The following TFAM variants were observed in gnomAD, a reference collection of about 807,000 sequenced individuals.
TFAM encodes the protein transcription factor A, mitochondrial, also known as mitochondrial transcription factor 1.
In TFAM, 13 loss-of-function variants were observed where a neutral mutation model predicts 30.6. The observed-to-expected ratio is 0.42, with a 90% CI of 0.28 to 0.67. The LOEUF (loss-of-function observed/expected upper bound fraction) is 0.67, where lower values mean the gene tolerates loss of function less well. TFAM is among the 30% of genes least tolerant of loss of function. TFAM has a pLI of 0.21. For missense variants in TFAM, 231 were observed against 293.7 expected (o/e 0.79, Z 1.56); for synonymous variants, 106 against 94.8 (o/e 1.12, Z -0.69).
rs2132368349 is a variant in TFAM at position 58,398,993 on chromosome 10, A to T, written c.*3919A>T. The T allele has an allele frequency of 6.6e-6, 1 of 152,294 alleles. No individual in the cohort carries two copies. The highest frequency in any genetic ancestry group is 1.5e-5 in the Non-Finnish European group (1 of 68,006). 9.4% of individuals were successfully genotyped at this position (152,294 alleles called of 1,614,324 possible). ...ACATTTATTACTTTAAATTTGTAAA[A>T]TTTTCCAAAGTAAAACCATACAAAG... On this transcript the variant is annotated 3_prime_UTR_variant, in exon 7 of 7. Transcript: ENST00000487519.
In TFAM at chr10:58,399,084, A is replaced by G. The variant is rs918286668; in HGVS notation, c.*4010A>G. 3.3e-5 allele frequency: 5 copies of G among 152,158 alleles called. No homozygotes were observed. The highest frequency in any genetic ancestry group is 4.8e-5 in the African/African-American group (2 of 41,462). The allele number at this position is 152,158 out of a possible 1,614,324, so 9.4% of individuals were successfully genotyped here. A position where few individuals can be genotyped will look rare whatever the true frequency, so the allele number is the denominator to read the frequency against. ...TTGTTAATTGATTAAATCACTTACTATATTCGATATGAAATATATAAAACA... is the reference window on the plus strand; with the variant it reads ...TTGTTAATTGATTAAATCACTTACTGTATTCGATATGAAATATATAAAACA... On this transcript the variant is annotated 3_prime_UTR_variant, in exon 7 of 7. Coordinates refer to ENST00000487519, the MANE Select transcript of TFAM (RefSeq NM_003201.3).
chr10:58,395,143 C>T lies in TFAM; in HGVS notation c.*69C>T. The T allele has an allele frequency of 1.3e-6, 2 of 1,493,048 alleles. No individual in the cohort carries two copies. Among genetic ancestry groups the T allele is most frequent in the Non-Finnish European group, 1.9e-6 (2 of 1,075,588 alleles). The allele number at this position is 1,493,048 out of a possible 1,614,324, so 92.5% of individuals were successfully genotyped here. A position where few individuals can be genotyped will look rare whatever the true frequency, so the allele number is the denominator to read the frequency against. On this transcript the variant is annotated 3_prime_UTR_variant, in exon 7 of 7. Coordinates refer to ENST00000487519, the MANE Select transcript of TFAM (RefSeq NM_003201.3). The stretch of plus-strand genomic sequence containing the variant: ...ACCAGTTAGGTCTCAATACCTGAAG[C>T]TATCGTAAAATTAAGAAAGGATAAA...
rs1230594022 is a variant in TFAM, at chr10:58,395,257, G to T, written c.*183G>T. 6 of 628,980 alleles carry T rather than the reference G, an allele frequency of 9.5e-6. No homozygotes were observed. In the Admixed American group the frequency reaches 1.7e-4, roughly 18 times the overall value. The allele number at this position is 628,980 out of a possible 1,614,324, so 39.0% of individuals were successfully genotyped here. A position where few individuals can be genotyped will look rare whatever the true frequency, so the allele number is the denominator to read the frequency against. ...CTTGCTTTGGAAAACCCAGATAAAG[G>T]TTCATGCAAACTTTATTTTGTGTTT... is the stretch of plus-strand genomic sequence containing the variant. On this transcript the variant is annotated 3_prime_UTR_variant, in exon 7 of 7. Coordinates refer to ENST00000487519, the MANE Select transcript of TFAM (RefSeq NM_003201.3).
chr10:58,394,673 G>GC (rs1284674917), intron 6 of TFAM: 1 of 635,702 alleles, frequency 1.6e-6, no homozygotes, highest in African/African-American at 1.8e-5. Context: ...CCCTGCTGCT[G>GC]CCCCCTTCCT....
At chr10:58,387,010 TC>T (rs1034457711) in intron 2 of TFAM, among the ~76,000 whole-genome samples, 5 of 152,104 alleles carry the variant, frequency 3.3e-5, no homozygotes, top group African/African-American at 1.2e-4. Flanking sequence ...ACACCTGTAA[TC>T]CCAGCACTTC....
intron 5 of TFAM, among the ~76,000 whole-genome samples, chr10:58,391,973 G>A (rs1466737601): frequency 7.1e-6 from 1 of 141,514 alleles, no homozygotes; most frequent in Admixed American, 7.2e-5. Context: ...CAAACTCCTC[G>A]GTATTCACCA....
chr10:58,388,383 C>CT (rs1840530682), intron 3 of TFAM, 123 bp downstream of exon 3: 1 of 865,648 alleles, frequency 1.2e-6, no homozygotes, highest in Admixed American at 2.1e-5. Context: ...TACAAAGAAA[C>CT]TTTATGTCTT....
At chr10:58,387,943 A>T (rs979099026) in intron 2 of TFAM, among the ~76,000 whole-genome samples, 4 of 152,168 alleles carry the variant, frequency 2.6e-5, no homozygotes, top group Admixed American at 2.6e-4. Flanking sequence ...CTCAAAAAAA[A>T]AAAAAAATCC....
chr10:58,393,557 G>T (rs866194238), intron 5 of TFAM, among the ~76,000 whole-genome samples: 2 of 152,024 alleles, frequency 1.3e-5, no homozygotes, highest in Non-Finnish European at 2.9e-5. Flanking sequence ...CCTTTAAAAA[G>T]ATTTCTTTGT....
chr10:58,389,104 T>C (rs1020810566), intron 4 of TFAM, among the ~76,000 whole-genome samples: 17 of 152,332 alleles, frequency 1.1e-4, no homozygotes, highest in Admixed American at 7.2e-4. Context: ...AACAGAGTTA[T>C]GAAACAGTCA....
Position 58,398,464 on chromosome 10 carries a change from A to C in TFAM, c.*3390A>C, listed in dbSNP as rs1305728788. ...TTACTTTCTGATGTTTGCTTAAATA[A>C]TACTGTGTACGTATTCAGCTTGCTG... On this transcript the variant is annotated 3_prime_UTR_variant, in exon 7 of 7. Transcript: ENST00000487519. 1 of 152,214 alleles carries C rather than the reference A, an allele frequency of 6.6e-6. No individual in the cohort carries two copies. Among genetic ancestry groups the C allele is most frequent in the Non-Finnish European group, 1.5e-5 (1 of 68,042 alleles). 9.4% of individuals were successfully genotyped at this position (152,214 alleles called of 1,614,324 possible). A position where few individuals can be genotyped will look rare whatever the true frequency, so the allele number is the denominator to read the frequency against.
chr10:58,394,014 T>C (rs576148490), intron 5 of TFAM, among the ~76,000 whole-genome samples: 14 of 152,346 alleles, frequency 9.2e-5, no homozygotes, highest in African/African-American at 3.4e-4. Context: ...TTACTGGACT[T>C]GTGCTGTATT....
intron 5 of TFAM, among the ~76,000 whole-genome samples, chr10:58,393,611 G>C (rs1840632864): frequency 2.0e-5 from 3 of 152,006 alleles, no homozygotes; most frequent in Non-Finnish European, 4.4e-5. Flanking sequence ...TCTTTGGCTG[G>C]GCACAGTGGC....
At chr10:58,394,336 T>G (rs374429184) in intron 5 of TFAM, 22 bp from the exon 6 acceptor site, 2 of 1,595,220 alleles carry the variant, frequency 1.3e-6, no homozygotes, top group African/African-American at 1.3e-5. Context: ...CTACCTTAAC[T>G]TAAACATATA....
chr10:58,387,659 G>T (rs937875614), intron 2 of TFAM, among the ~76,000 whole-genome samples: 1 of 152,136 alleles, frequency 6.6e-6, no homozygotes, highest in African/African-American at 2.4e-5. Context: ...GCCTGGTGTG[G>T]TGGCTCGCGC....
intron 3 of TFAM, 148 bp from the exon 4 acceptor site, chr10:58,388,522 A>C: frequency 2.3e-6 from 2 of 886,764 alleles, no homozygotes; most frequent in South Asian, 2.9e-5. Flanking sequence ...TGTATGTTTT[A>C]ATCCATATAC....
In TFAM at chr10:58,385,542, G is replaced by A. The variant is rs372337756; in HGVS notation, c.-6G>A. 3.2e-6 allele frequency: 5 copies of A among 1,558,656 alleles called. No homozygotes were observed. In the African/African-American group the frequency reaches 6.8e-5, roughly 21 times the overall value. On this transcript the variant is annotated 5_prime_UTR_variant, in exon 1 of 7. Transcript: ENST00000487519. Reference sequence around the variant, plus strand: ...GGGTCGGGTCACTGCCTCATCCACCGGAGCGATGGCGTTTCTCCGAAGCAT... The same window carrying A: ...GGGTCGGGTCACTGCCTCATCCACCAGAGCGATGGCGTTTCTCCGAAGCAT...
intron 5 of TFAM, 86 bp downstream of exon 5, chr10:58,390,946 A>G: frequency 1.7e-6 from 2 of 1,187,912 alleles, no homozygotes; most frequent in South Asian, 1.3e-5. Context: ...AGTGAAGAAA[A>G]GTAGTGAATA....
intron 6 of TFAM, 85 bp from the exon 7 acceptor site, chr10:58,394,843 C>G (rs2132361565): frequency 7.5e-7 from 1 of 1,337,424 alleles, no homozygotes; most frequent in East Asian, 2.5e-5. Flanking sequence ...TATACAGAAG[C>G]ATTCCAGAAA....
Sources: gnomAD v4.1 joint callset for allele counts (sites outside exome capture counted in the v4.1 genomes callset) on GRCh38, gnomAD v4.1.1 for gene constraint, MANE v1.5 for transcripts, NCBI Gene and HGNC (gene_info 2026-07-23, HGNC 2026-07-21) for gene names.